The following UQCR10 variants were observed in gnomAD, a reference collection of about 807,000 sequenced individuals.
UQCR10 encodes ubiquinol-cytochrome c reductase, complex III subunit X.
A neutral mutation model predicts 6.0 loss-of-function variants in UQCR10; 5 were observed. The ratio of observed to expected loss-of-function variants is 0.83; its 90% CI spans 0.43 to 1.74. UQCR10 has a LOEUF of 1.74. Among genes scored for constraint, UQCR10 ranks in the 40% most tolerant of loss-of-function variants. The pLI is 0.02. For synonymous variants in UQCR10, 40 were observed against 37.4 expected (o/e 1.07, Z -0.26); for missense variants, 101 against 85.1 (o/e 1.19, Z -0.74).
intron 1 of UQCR10, among the ~76,000 whole-genome samples, chr22:29,768,912 C>G (rs1428018649): frequency 1.3e-5 from 2 of 152,186 alleles, no homozygotes; most frequent in East Asian, 3.9e-4. Context: ...CAGGCGTGAG[C>G]CACTGTGCTC....
Position 29,770,400 on chromosome 22 carries a change from A to G in UQCR10, c.*681A>G, listed in dbSNP as rs756103627. 2 of 175,406 alleles carry G rather than the reference A, an allele frequency of 1.1e-5. No individual in the cohort carries two copies. Among genetic ancestry groups the G allele is most frequent in the Non-Finnish European group, 2.5e-5 (2 of 80,490 alleles). The allele number at this position is 175,406 out of a possible 1,614,324, so 10.9% of individuals were successfully genotyped here. ...CAAAAATCTCATAATGTTTTAATAAAGTTGAAGAATTTGTGTTTGGGCCTC... is the reference window on the plus strand; with the variant it reads ...CAAAAATCTCATAATGTTTTAATAAGGTTGAAGAATTTGTGTTTGGGCCTC... On this transcript the variant is annotated 3_prime_UTR_variant, in exon 2 of 2. Transcript: ENST00000330029.
At position 29,767,420 on chromosome 22, in the gene UQCR10, T is replaced by A; in HGVS notation, c.22T>A (p.Ser8Thr). 1 of 1,613,264 alleles carries A rather than the reference T, an allele frequency of 6.2e-7. No homozygotes were observed. Among genetic ancestry groups the A allele is most frequent in the Non-Finnish European group, 8.5e-7 (1 of 1,179,452 alleles). MAAATLT[S>T]KLYSLLFRRT... is the part of the protein sequence containing the mutation. ...AAACATGGCGGCCGCGACGTTGACT[T>A]CGAAATTGTACTCCCTGCTGTTCCG... Residue 8 changes from serine (S) to threonine (T), a missense_variant, in exon 1 of 2, where the codon TCG becomes ACG. Transcript: ENST00000330029.
At position 29,769,947 on chromosome 22, in the gene UQCR10, C is replaced by T. The variant is rs2147246598; in HGVS notation, c.*228C>T. 1 of 655,084 alleles carries T rather than the reference C, an allele frequency of 1.5e-6. No individual in the cohort carries two copies. The highest frequency in any genetic ancestry group is 2.8e-5 in the East Asian group (1 of 35,194). 40.6% of individuals were successfully genotyped at this position (655,084 alleles called of 1,614,324 possible). A position where few individuals can be genotyped will look rare whatever the true frequency, so the allele number is the denominator to read the frequency against. ...AAATAAATGTGAATTGCCCTTGAGA[C>T]CTGCTTCTACATTGGTTGCTTTGTT... On this transcript the variant is annotated 3_prime_UTR_variant, in exon 2 of 2. Transcript: ENST00000330029.
At position 29,770,261 on chromosome 22, in the gene UQCR10, C is replaced by G. The variant is rs2068254301; in HGVS notation, c.*542C>G. 7.2e-6 allele frequency: 2 copies of G among 278,712 alleles called. No homozygotes were observed. Among genetic ancestry groups the G allele is most frequent in the African/African-American group, 2.2e-5 (1 of 45,806 alleles). 17.3% of individuals were successfully genotyped at this position (278,712 alleles called of 1,614,324 possible). ...CCACTCCCCACCCTAGGGTATAGTT[C>G]AGGGGTATCCAATCCTTTGGCTTCC... On this transcript the variant is annotated 3_prime_UTR_variant, in exon 2 of 2. Coordinates refer to ENST00000330029, the MANE Select transcript of UQCR10 (RefSeq NM_013387.4).
rs947340829 is a variant in UQCR10 at position 29,769,969 on chromosome 22, T to C, written c.*250T>C. 6.2e-6 allele frequency: 4 copies of C among 643,380 alleles called. No individual in the cohort carries two copies. The highest frequency in any genetic ancestry group is 4.2e-5 in the Admixed American group (2 of 48,098). The allele number at this position is 643,380 out of a possible 1,614,324, so 39.9% of individuals were successfully genotyped here. ...AGACCTGCTTCTACATTGGTTGCTTTGTTAACTCTACCTGATCTTCACTTG... is the reference window on the plus strand; with the variant it reads ...AGACCTGCTTCTACATTGGTTGCTTCGTTAACTCTACCTGATCTTCACTTG... On this transcript the variant is annotated 3_prime_UTR_variant, in exon 2 of 2. Coordinates refer to ENST00000330029, the MANE Select transcript of UQCR10 (RefSeq NM_013387.4).
intron 1 of UQCR10, 151 bp downstream of exon 1, chr22:29,767,699 G>A: frequency 8.3e-7 from 1 of 1,203,496 alleles, no homozygotes; most frequent in Non-Finnish European, 1.1e-6. Flanking sequence ...TGTCCCCTTG[G>A]CTTGATGTGA....
chr22:29,767,436 T>G lies in UQCR10; in HGVS notation c.38T>G (p.Leu13Arg), dbSNP rs531285775. 2 of 1,613,954 alleles carry G rather than the reference T, an allele frequency of 1.2e-6. No homozygotes were observed. The highest frequency in any genetic ancestry group is 1.1e-5 in the South Asian group (1 of 91,086). ...ACGTTGACTTCGAAATTGTACTCCCTGCTGTTCCGCAGGACCTCCACCTTC... is the reference window on the plus strand; with the variant it reads ...ACGTTGACTTCGAAATTGTACTCCCGGCTGTTCCGCAGGACCTCCACCTTC... ...AATLTSKLYS[L>R]LFRRTSTFAL... is the part of the protein sequence containing the mutation. Residue 13 changes from leucine (L) to arginine (R), a missense_variant, in exon 1 of 2, where the codon CTG becomes CGG. By Grantham distance (102) the Leu-to-Arg change is moderately radical (BLOSUM62 -2). Transcript: ENST00000330029.
Position 29,769,888 on chromosome 22 carries a change from T to A in UQCR10, c.*169T>A, listed in dbSNP as rs745524579. 7 of 805,124 alleles carry A rather than the reference T, an allele frequency of 8.7e-6. No individual in the cohort carries two copies. Among genetic ancestry groups the A allele is most frequent in the Middle Eastern group, 4.4e-4 (2 of 4,528 alleles). The allele number at this position is 805,124 out of a possible 1,614,324, so 49.9% of individuals were successfully genotyped here. A position where few individuals can be genotyped will look rare whatever the true frequency, so the allele number is the denominator to read the frequency against. ...ACAAAACAGACTCTTTACCTTCTGC[T>A]GTGTTTGAAGTATGTTTAGTCAGCA... On this transcript the variant is annotated 3_prime_UTR_variant, in exon 2 of 2. Transcript: ENST00000330029.
At chr22:29,768,623 TTTTGTTTTGTTTTG>T (rs2068241974) in intron 1 of UQCR10, among the ~76,000 whole-genome samples, 2 of 148,224 alleles carry the variant, frequency 1.3e-5, no homozygotes, top group South Asian at 4.2e-4. Context: ...TTGTGCTTTT[TTTTGTTTTGTTTTG>T]TTTTTTTGAG....
Position 29,769,783 on chromosome 22 carries a change from C to A in UQCR10, c.*64C>A. ...CCACCCAGCAGCTGTTTGCCCAGAG[C>A]TGGAGCCTCAGCTTGAAGATGATGC... On this transcript the variant is annotated 3_prime_UTR_variant, in exon 2 of 2. Coordinates refer to ENST00000330029, the MANE Select transcript of UQCR10 (RefSeq NM_013387.4). 1 of 1,556,586 alleles carries A rather than the reference C, an allele frequency of 6.4e-7. No homozygotes were observed. The highest frequency in any genetic ancestry group is 8.7e-7 in the Non-Finnish European group (1 of 1,142,966).
chr22:29,767,606 A>G, intron 1 of UQCR10, 58 bp downstream of exon 1: 1 of 1,549,108 alleles, frequency 6.5e-7, no homozygotes, highest in Non-Finnish European at 8.8e-7. Context: ...AGTGGAGTAG[A>G]GGTGGGATGG....
chr22:29,768,239 A>C (rs2068238132), intron 1 of UQCR10, among the ~76,000 whole-genome samples: 1 of 152,204 alleles, frequency 6.6e-6, no homozygotes, highest in Non-Finnish European at 1.5e-5. Flanking sequence ...CCACTGAAAA[A>C]TAATCATTGC....
Position 29,767,380 on chromosome 22 carries a change from A to G in UQCR10, c.-19A>G. On this transcript the variant is annotated 5_prime_UTR_variant, in exon 1 of 2. Transcript: ENST00000330029. Reference sequence around the variant, plus strand: ...GCCCCAGCGCAGGCGCGGTGGCGCGAGTTGGACTGTGAAGAAACATGGCGG... The same window carrying G: ...GCCCCAGCGCAGGCGCGGTGGCGCGGGTTGGACTGTGAAGAAACATGGCGG... The G allele has an allele frequency of 1.4e-6, 2 of 1,422,584 alleles. No homozygotes were observed. The highest frequency in any genetic ancestry group is 2.0e-6 in the Non-Finnish European group (2 of 1,018,646). The allele number at this position is 1,422,584 out of a possible 1,614,324, so 88.1% of individuals were successfully genotyped here. A position where few individuals can be genotyped will look rare whatever the true frequency, so the allele number is the denominator to read the frequency against.
intron 1 of UQCR10, among the ~76,000 whole-genome samples, chr22:29,768,771 C>T (rs2068244364): frequency 6.6e-6 from 1 of 152,166 alleles, no homozygotes; most frequent in African/African-American, 2.4e-5. Flanking sequence ...GGACCACAGG[C>T]ATGCGCCACC....
intron 1 of UQCR10, 73 bp from the exon 2 acceptor site, chr22:29,769,605 C>G (rs2068249057): frequency 6.7e-7 from 1 of 1,499,544 alleles, no homozygotes; most frequent in Non-Finnish European, 9.1e-7. Context: ...TTTTAGAGAC[C>G]AGGGCAGTGG....
chr22:29,767,552 AG>A lies in UQCR10; in HGVS notation c.150+7del. 6.9e-7 allele frequency: 1 copy of A among 1,443,748 alleles called. No individual in the cohort carries two copies. The highest frequency in any genetic ancestry group is 2.2e-5 in the East Asian group (1 of 44,858). 89.4% of individuals were successfully genotyped at this position (1,443,748 alleles called of 1,614,324 possible). The stretch of plus-strand genomic sequence containing the variant: ...CTACGACCACATCAACGAGGGGGTG[AG>A]GGCCTGTGCCATCCCTGACCTTGGA... On this transcript the variant is annotated splice_donor_5th_base_variant and intron_variant, in intron 1 of 1. Transcript: ENST00000330029.
Position 29,769,756 on chromosome 22 carries a change from G to T in UQCR10, c.*37G>T, listed in dbSNP as rs368747090. On this transcript the variant is annotated 3_prime_UTR_variant, in exon 2 of 2. Coordinates refer to ENST00000330029, the MANE Select transcript of UQCR10 (RefSeq NM_013387.4). Reference sequence around the variant, plus strand: ...CCCCCATCCAGGCCAGAAGGACCAGGTCCACCCAGCAGCTGTTTGCCCAGA... The same window carrying T: ...CCCCCATCCAGGCCAGAAGGACCAGTTCCACCCAGCAGCTGTTTGCCCAGA... 297 of 1,596,014 alleles carry T rather than the reference G, an allele frequency of 1.9e-4. 2 individuals carry two copies. In the African/African-American group the frequency reaches 3.7e-3, roughly 20 times the overall value.
In UQCR10 at chr22:29,767,482, C is replaced by T; in HGVS notation, c.84C>T (p.Gly28=). ...TSTFALTIIV[G]VMFFERAFDQ... is the part of the protein sequence containing the mutation. ...CCTTCGCCCTCACCATCATCGTGGG[C>T]GTCATGTTCTTCGAGCGCGCCTTCG... The change falls in exon 1 of 2, where the codon GGC becomes GGT. Residue 28 remains glycine (G), a synonymous_variant. Transcript: ENST00000330029. 6.2e-7 allele frequency: 1 copy of T among 1,614,014 alleles called. No homozygotes were observed. The highest frequency in any genetic ancestry group is 8.5e-7 in the Non-Finnish European group (1 of 1,179,894).
rs2068229764 is a variant in UQCR10, at chr22:29,767,487, T to C, written c.89T>C (p.Met30Thr). The change falls in exon 1 of 2, where the codon ATG (methionine) becomes ACG (threonine). Residue 30 changes from methionine to threonine, a missense_variant. Transcript: ENST00000330029. ...TFALTIIVGV[M>T]FFERAFDQGA... Reference sequence around the variant, plus strand: ...GCCCTCACCATCATCGTGGGCGTCATGTTCTTCGAGCGCGCCTTCGATCAA... The same window carrying C: ...GCCCTCACCATCATCGTGGGCGTCACGTTCTTCGAGCGCGCCTTCGATCAA... The C allele has an allele frequency of 1.2e-6, 2 of 1,613,904 alleles. No individual in the cohort carries two copies. Among genetic ancestry groups the C allele is most frequent in the South Asian group, 1.1e-5 (1 of 91,092 alleles).
Sources: gnomAD v4.1 joint callset for allele counts (sites outside exome capture counted in the v4.1 genomes callset) on GRCh38, gnomAD v4.1.1 for gene constraint, MANE v1.5 for transcripts, NCBI Gene and HGNC (gene_info 2026-07-23, HGNC 2026-07-21) for gene names.